Variants in AUTS2 observed in about 807,000 individuals in gnomAD.
The protein encoded by AUTS2 is autism susceptibility gene 2 protein.
Under a neutral mutation model 112.4 loss-of-function variants are expected in AUTS2, and 17 were observed. That is an observed-to-expected ratio of 0.15 (90% CI 0.10 to 0.23). The LOEUF (loss-of-function observed/expected upper bound fraction) is 0.23. Among genes scored for constraint, AUTS2 ranks in the 10% least tolerant of loss-of-function variants. The pLI is 1.00. For synonymous variants in AUTS2, 751 were observed against 702.7 expected (o/e 1.07, Z -1.09); for missense variants, 1,510 against 1,701.6 (o/e 0.89, Z 1.98).
intron 2 of AUTS2, among the ~76,000 whole-genome samples, chr7:70,072,182 G>A (rs1215544018): frequency 6.6e-6 from 1 of 151,582 alleles, no homozygotes; most frequent in African/African-American, 2.4e-5. Context: ...CCTTCCCTCC[G>A]TGATCCCTGC....
At chr7:70,433,463 G>T (rs574944257) in intron 4 of AUTS2, among the ~76,000 whole-genome samples, 1 of 152,128 alleles carries the variant, frequency 6.6e-6, no homozygotes, top group Admixed American at 6.5e-5. Flanking sequence ...CCTCACAGAG[G>T]GCTTAATTAA....
chr7:70,636,543 C>T (rs965819365), intron 5 of AUTS2, among the ~76,000 whole-genome samples: 1 of 152,088 alleles, frequency 6.6e-6, no homozygotes, highest in African/African-American at 2.4e-5. Flanking sequence ...AGAAAAAACA[C>T]GGAACTTTTT....
intron 18 of AUTS2, among the ~76,000 whole-genome samples, chr7:70,788,548 C>A (rs112859396): frequency 6.6e-6 from 1 of 152,194 alleles, no homozygotes; most frequent in African/African-American, 2.4e-5. Flanking sequence ...CCCTAGGCCG[C>A]GAGCTCTCTG....
chr7:70,548,408 G>A (rs570832164), intron 5 of AUTS2, among the ~76,000 whole-genome samples: 1 of 151,940 alleles, frequency 6.6e-6, no homozygotes, highest in Admixed American at 6.6e-5. Context: ...AAGCACAAAA[G>A]GTTTTAATTT....
chr7:70,668,851 C>T (rs900329448), intron 5 of AUTS2, among the ~76,000 whole-genome samples: 11 of 152,296 alleles, frequency 7.2e-5, no homozygotes, highest in African/African-American at 2.4e-4. Flanking sequence ...TGCCTCAGCG[C>T]TAGAGGGCTT....
chr7:69,950,789 C>T (rs1001511368), intron 2 of AUTS2, among the ~76,000 whole-genome samples: 17 of 152,164 alleles, frequency 1.1e-4, no homozygotes, highest in African/African-American at 3.6e-4. Context: ...AAAGTCATGC[C>T]GTTGCAATAA....
intron 2 of AUTS2, among the ~76,000 whole-genome samples, chr7:70,115,024 G>C (rs887333832): frequency 6.6e-6 from 1 of 152,150 alleles, no homozygotes; most frequent in Non-Finnish European, 1.5e-5. Context: ...GCTCTCTGAA[G>C]AGAATTCACT....
intron 4 of AUTS2, among the ~76,000 whole-genome samples, chr7:70,147,740 A>G (rs1196399769): frequency 2.0e-5 from 3 of 152,084 alleles, no homozygotes; most frequent in Non-Finnish European, 4.4e-5. Flanking sequence ...TAAATCTCCT[A>G]TTGCACTTTT....
At chr7:70,544,764 C>T (rs1585281232) in intron 5 of AUTS2, among the ~76,000 whole-genome samples, 1 of 152,160 alleles carries the variant, frequency 6.6e-6, no homozygotes, top group Non-Finnish European at 1.5e-5. Flanking sequence ...AGAGTCTTAG[C>T]AGGTTTCCCT....
At chr7:69,609,753 C>G (rs1202439952) in intron 1 of AUTS2, among the ~76,000 whole-genome samples, 3 of 152,178 alleles carry the variant, frequency 2.0e-5, no homozygotes, top group Non-Finnish European at 4.4e-5. Context: ...AATATTAAAT[C>G]CACATGACGT....
chr7:70,786,876 A>G (rs1791530340), intron 17 of AUTS2: 1 of 397,794 alleles, frequency 2.5e-6, no homozygotes, highest in Non-Finnish European at 4.7e-6. Context: ...CCATCATAAC[A>G]CACCCTTCTG....
intron 5 of AUTS2, among the ~76,000 whole-genome samples, chr7:70,594,659 A>G (rs1247093993): frequency 2.0e-5 from 3 of 152,130 alleles, no homozygotes; most frequent in Admixed American, 2.0e-4. Flanking sequence ...TCTCTCTCCT[A>G]CTTTGATAGT....
chr7:70,509,170 T>G (rs1799086570), intron 5 of AUTS2, among the ~76,000 whole-genome samples: 1 of 152,242 alleles, frequency 6.6e-6, no homozygotes, highest in Non-Finnish European at 1.5e-5. Flanking sequence ...ATTCAAGTGT[T>G]GAGTACCTGT....
chr7:69,723,920 T>A (rs1268311162), intron 1 of AUTS2, among the ~76,000 whole-genome samples: 1 of 152,142 alleles, frequency 6.6e-6, no homozygotes, highest in Non-Finnish European at 1.5e-5. Flanking sequence ...GCCAGGAATG[T>A]CTGGGAATCA....
intron 2 of AUTS2, among the ~76,000 whole-genome samples, chr7:70,024,177 C>T (rs1318534596): frequency 6.6e-6 from 1 of 152,188 alleles, no homozygotes; most frequent in Non-Finnish European, 1.5e-5. Flanking sequence ...ATTTTAATGA[C>T]AAACATTTTT....
At chr7:69,993,614 G>A (rs1798827160) in intron 2 of AUTS2, among the ~76,000 whole-genome samples, 1 of 152,002 alleles carries the variant, frequency 6.6e-6, no homozygotes. Context: ...TGTACCTGTG[G>A]TACCAGCTAC....
chr7:70,279,770 G>T (rs535133855), intron 4 of AUTS2, among the ~76,000 whole-genome samples: 1 of 152,174 alleles, frequency 6.6e-6, no homozygotes, highest in Non-Finnish European at 1.5e-5. Context: ...GAAGGAGCCT[G>T]CCACCTCAAA....
intron 1 of AUTS2, among the ~76,000 whole-genome samples, chr7:69,733,019 C>CT (rs1786867974): frequency 6.6e-6 from 1 of 152,172 alleles, no homozygotes; most frequent in African/African-American, 2.4e-5. Flanking sequence ...AGAGCCCACT[C>CT]TGTTTAGCAG....
chr7:70,351,076 A>T (rs1289741204), intron 4 of AUTS2, among the ~76,000 whole-genome samples: 12 of 134,208 alleles, frequency 8.9e-5, no homozygotes, highest in African/African-American at 1.4e-4. Context: ...TTTTAGATGG[A>T]GTCTCGCTCT....
Sources: gnomAD v4.1 joint callset for allele counts (sites outside exome capture counted in the v4.1 genomes callset) on GRCh38, gnomAD v4.1.1 for gene constraint, MANE v1.5 for transcripts, NCBI Gene and HGNC (gene_info 2026-07-23, HGNC 2026-07-21) for gene names.